The following CA4 variants were observed in gnomAD, a reference collection of about 807,000 sequenced individuals.
CA4 encodes the protein CA-IV.
Under a neutral mutation model 34.5 loss-of-function variants are expected in CA4, and 24 were observed. The ratio of observed to expected loss-of-function variants is 0.70; its 90% confidence interval spans 0.50 to 0.98. CA4 has a LOEUF of 0.98. Ranked by LOEUF, CA4 falls within the 50% of genes least tolerant of loss-of-function variation. The pLI is 0.00. For missense variants in CA4, 394 were observed against 396.7 expected (o/e 0.99, Z 0.06); for synonymous variants, 178 against 170.6 (o/e 1.04, Z -0.34).
At chr17:60,163,959 T>G (rs1240293900), downstream of CA4, among the ~76,000 whole-genome samples, 1 of 152,032 alleles carries the variant, frequency 6.6e-6, no homozygotes. Flanking sequence ...AGGGAGATCC[T>G]GTCTCTACGA....
chr17:60,162,991 CCT>C (rs1418569069), downstream of CA4, among the ~76,000 whole-genome samples: 1 of 152,306 alleles, frequency 6.6e-6, no homozygotes, highest in South Asian at 2.1e-4. Flanking sequence ...TCTTTGGCCC[CCT>C]GTTTAGATTC....
chr17:60,174,710 A>C (rs1247852552), downstream of CA4, among the ~76,000 whole-genome samples: 1 of 152,148 alleles, frequency 6.6e-6, no homozygotes, highest in East Asian at 1.9e-4. Context: ...TTGTGATTTC[A>C]ATACTAAGGA....
Position 60,159,202 on chromosome 17 carries a change from G to T in CA4, c.745-28G>T, listed in dbSNP as rs146362767. 1,049 of 1,574,526 alleles carry T rather than the reference G, an allele frequency of 6.7e-4. 9 individuals carry two copies. In the East Asian group the frequency reaches 0.021, roughly 31 times the overall value. ...CAGGGAGTGCAGCTCCCCCTGCCCC[G>T]ACCTGCTGAGCCCCATCACTTCCGC... is the stretch of plus-strand genomic sequence containing the variant. On this transcript the variant is annotated intron_variant, in intron 7 of 7. Coordinates refer to ENST00000300900, the MANE Select transcript of CA4 (RefSeq NM_000717.5).
At chr17:60,168,564 T>C (rs1431682885) in intron 5 of CA4, among the ~76,000 whole-genome samples, 1 of 150,870 alleles carries the variant, frequency 6.6e-6, no homozygotes, top group African/African-American at 2.4e-5. Context: ...ATTTCTTTTT[T>C]TTTTTTCGGT....
At chr17:60,150,998 T>A (rs2083583123) in intron 1 of CA4, among the ~76,000 whole-genome samples, 1 of 152,158 alleles carries the variant, frequency 6.6e-6, no homozygotes, top group Non-Finnish European at 1.5e-5. Flanking sequence ...AGGGTGATTT[T>A]CGTTTAAAGA....
chr17:60,156,468 C>G, intron 2 of CA4, 92 bp from the exon 3 acceptor site: 4 of 1,292,004 alleles, frequency 3.1e-6, no homozygotes, highest in Non-Finnish European at 4.5e-6. Flanking sequence ...TGTGTGGGAA[C>G]TGAGTGGGTG....
downstream of CA4, among the ~76,000 whole-genome samples, chr17:60,161,775 T>C (rs1189214273): frequency 6.6e-6 from 1 of 152,058 alleles, no homozygotes; most frequent in East Asian, 1.9e-4. Context: ...GCTGTTGCCA[T>C]GGCAACCGCA....
Position 60,159,322 on chromosome 17 carries a change from C to A in CA4, c.837C>A (p.Arg279=), listed in dbSNP as rs755477580. Residue 279 remains arginine (R), a synonymous_variant, in exon 8 of 8, where the codon CGC becomes CGA. Coordinates refer to ENST00000300900, the MANE Select transcript of CA4 (RefSeq NM_000717.5). ...NVRPLQQLGQ[R]TVIKSGAPGR... is the part of the protein sequence containing the mutation. ...GGCCCCTGCAGCAGCTGGGGCAGCG[C>A]ACGGTGATAAAGTCCGGGGCCCCGG... is the stretch of plus-strand genomic sequence containing the variant. 6.2e-7 allele frequency: 1 copy of A among 1,609,774 alleles called. No individual in the cohort carries two copies. Among genetic ancestry groups the A allele is most frequent in the Non-Finnish European group, 8.5e-7 (1 of 1,178,156 alleles).
chr17:60,150,766 TCCGTC>T (rs2145248978), intron 1 of CA4, among the ~76,000 whole-genome samples: 1 of 144,260 alleles, frequency 6.9e-6, no homozygotes, highest in South Asian at 2.5e-4. Context: ...TGGGTTTCCG[TCCGTC>T]CCGCTGGGAC....
downstream of CA4, among the ~76,000 whole-genome samples, chr17:60,162,044 C>G (rs142234041): frequency 7.9e-5 from 12 of 152,280 alleles, no homozygotes; most frequent in South Asian, 4.1e-4. Flanking sequence ...CCCTCCCCAT[C>G]CCCCTGGTCC....
downstream of CA4, among the ~76,000 whole-genome samples, chr17:60,164,283 C>CCTTT (rs1299581678): frequency 3.2e-4 from 48 of 149,100 alleles, 1 homozygote; most frequent in East Asian, 7.7e-3. Context: ...CTCCCTCCCT[C>CCTTT]CTTTCTTTCT....
chr17:60,152,389 G>T (rs943449692), intron 1 of CA4, among the ~76,000 whole-genome samples: 2 of 152,214 alleles, frequency 1.3e-5, no homozygotes, highest in African/African-American at 4.8e-5. Flanking sequence ...CCTGGCTGCT[G>T]CTTCCTGAAG....
chr17:60,178,495 C>T, the CA4 span, among the ~76,000 whole-genome samples: 1 of 152,140 alleles, frequency 6.6e-6, no homozygotes, highest in African/African-American at 2.4e-5. Flanking sequence ...TAAGATGCCT[C>T]CACTGGGAGG....
chr17:60,160,741 ACT>A (rs1432617847), downstream of CA4, among the ~76,000 whole-genome samples: 2 of 88,978 alleles, frequency 2.2e-5, no homozygotes, highest in East Asian at 3.3e-4. Context: ...ACAGAGAGAG[ACT>A]CTGTCTCAAA....
chr17:60,177,212 T>C, the CA4 span, among the ~76,000 whole-genome samples: 1 of 152,242 alleles, frequency 6.6e-6, no homozygotes, highest in Non-Finnish European at 1.5e-5. Context: ...TGTTTACTTG[T>C]ATGAGGAAAA....
Position 60,158,459 on chromosome 17 carries a change from T to C in CA4, c.744+13T>C. On this transcript the variant is annotated intron_variant, in intron 7 of 7. Transcript: ENST00000300900. The stretch of plus-strand genomic sequence containing the variant: ...TCACAGAGAACAGGTGCACAGGGCC[T>C]GGGGCAGGGCATGGGCTCCCACTGC... The C allele has an allele frequency of 6.2e-7, 1 of 1,612,936 alleles. No individual in the cohort carries two copies. Among genetic ancestry groups the C allele is most frequent in the Non-Finnish European group, 8.5e-7 (1 of 1,179,764 alleles).
chr17:60,177,167 T>C, the CA4 span, among the ~76,000 whole-genome samples: 1 of 152,138 alleles, frequency 6.6e-6, no homozygotes, highest in Non-Finnish European at 1.5e-5. Context: ...TAAAACAGGA[T>C]CACAGAGAGG....
the CA4 span, among the ~76,000 whole-genome samples, chr17:60,177,021 GCC>G: frequency 6.6e-6 from 1 of 152,196 alleles, no homozygotes; most frequent in Non-Finnish European, 1.5e-5. Flanking sequence ...CTGCTGTGCA[GCC>G]CAGTTCCTAA....
intron 5 of CA4, 90 bp from the exon 6 acceptor site, chr17:60,157,971 C>A (rs1050775755): frequency 6.4e-7 from 1 of 1,570,124 alleles, no homozygotes; most frequent in Admixed American, 1.9e-5. Context: ...CAGAAGCTGC[C>A]TGGCCTTCCG....
Sources: allele counts gnomAD v4.1 joint callset (sites outside exome capture counted in the v4.1 genomes callset), GRCh38; gene constraint gnomAD v4.1.1; transcripts MANE v1.5; gene names NCBI Gene and HGNC (gene_info 2026-07-23, HGNC 2026-07-21).